The following CPQ variants were observed in gnomAD, a reference collection of about 807,000 sequenced individuals.
CPQ encodes carboxypeptidase Q, also known as Ser-Met dipeptidase.
In CPQ, 37 loss-of-function variants were observed where a neutral mutation model predicts 45.7. The ratio of observed to expected loss-of-function variants is 0.81; its 90% CI spans 0.62 to 1.07. The LOEUF (loss-of-function observed/expected upper bound fraction) is 1.07, where lower values mean the gene tolerates loss of function less well. Among genes scored for constraint, CPQ ranks in the 50% least tolerant of loss-of-function variants. CPQ has a pLI of 0.00. For synonymous variants in CPQ, 186 were observed against 205.8 expected (o/e 0.90, Z 0.82); for missense variants, 537 against 572.9 (o/e 0.94, Z 0.64).
chr8:96,918,321 T>G (rs1264328046), intron 4 of CPQ, among the ~76,000 whole-genome samples: 1 of 152,196 alleles, frequency 6.6e-6, no homozygotes, highest in Non-Finnish European at 1.5e-5. Flanking sequence ...TTAGCTTTAT[T>G]GTACCTCCTT....
intron 1 of CPQ, among the ~76,000 whole-genome samples, chr8:96,744,499 C>G (rs1000030328): frequency 6.6e-6 from 1 of 152,202 alleles, no homozygotes; most frequent in African/African-American, 2.4e-5. Flanking sequence ...CTTGGCTCCT[C>G]CTCCTAGTTA....
chr8:96,740,037 A>G (rs1810060379), intron 1 of CPQ, among the ~76,000 whole-genome samples: 1 of 152,112 alleles, frequency 6.6e-6, no homozygotes, highest in African/African-American at 2.4e-5. Context: ...CATTGAATCT[A>G]TAAATTACCT....
chr8:97,120,277 T>C (rs960728497), intron 7 of CPQ, among the ~76,000 whole-genome samples: 14 of 152,194 alleles, frequency 9.2e-5, no homozygotes, highest in African/African-American at 3.4e-4. Context: ...ATAGACCCTC[T>C]ATACCCAACT....
intron 1 of CPQ, among the ~76,000 whole-genome samples, chr8:96,697,361 T>A (rs1251295110): frequency 6.6e-6 from 1 of 152,182 alleles, no homozygotes; most frequent in Non-Finnish European, 1.5e-5. Context: ...GGATATAGAA[T>A]GAACATAGTT....
chr8:96,838,593 T>A (rs969597009), intron 3 of CPQ, among the ~76,000 whole-genome samples: 20 of 152,086 alleles, frequency 1.3e-4, no homozygotes, highest in Non-Finnish European at 2.1e-4. Context: ...GGTGAAATAC[T>A]GCCCAGTCTG....
chr8:97,035,489 G>A (rs1809985569), intron 6 of CPQ, among the ~76,000 whole-genome samples: 1 of 152,130 alleles, frequency 6.6e-6, no homozygotes, highest in African/African-American at 2.4e-5. Flanking sequence ...AACAACATGT[G>A]GGAGTCCTAG....
intron 3 of CPQ, among the ~76,000 whole-genome samples, chr8:96,853,782 C>G (rs1345734192): frequency 1.3e-5 from 2 of 152,230 alleles, no homozygotes; most frequent in East Asian, 3.9e-4. Context: ...AGTGTACACT[C>G]CACATACTTT....
At chr8:96,848,081 G>C (rs1202924810) in intron 3 of CPQ, among the ~76,000 whole-genome samples, 1 of 151,986 alleles carries the variant, frequency 6.6e-6, no homozygotes, top group Non-Finnish European at 1.5e-5. Context: ...CTCTGCCTGG[G>C]TGTCAACAGT....
At chr8:96,977,015 A>G (rs1160683971) in intron 5 of CPQ, among the ~76,000 whole-genome samples, 1 of 152,196 alleles carries the variant, frequency 6.6e-6, no homozygotes, top group East Asian at 1.9e-4. Context: ...CAATTAAACT[A>G]AAAAGCTTCT....
chr8:96,701,705 T>C (rs531827810), intron 1 of CPQ, among the ~76,000 whole-genome samples: 1 of 152,270 alleles, frequency 6.6e-6, no homozygotes, highest in South Asian at 2.1e-4. Flanking sequence ...TAACATACTC[T>C]TGGCCATGTG....
intron 4 of CPQ, among the ~76,000 whole-genome samples, chr8:96,939,290 A>G (rs1014627337): frequency 2.6e-5 from 4 of 152,162 alleles, no homozygotes; most frequent in Non-Finnish European, 5.9e-5. Context: ...TGAGAATCTA[A>G]TGCTGCCACT....
At chr8:96,961,211 T>C (rs533192986) in intron 4 of CPQ, among the ~76,000 whole-genome samples, 1 of 152,330 alleles carries the variant, frequency 6.6e-6, no homozygotes, top group Non-Finnish European at 1.5e-5. Context: ...CAAGATCTCA[T>C]TTGTGTGATT....
At chr8:97,115,281 CCTAA>C (rs1811565650) in intron 7 of CPQ, among the ~76,000 whole-genome samples, 1 of 152,172 alleles carries the variant, frequency 6.6e-6, no homozygotes, top group African/African-American at 2.4e-5. Flanking sequence ...ACCTGCACTA[CCTAA>C]CTGTTGTGTT....
At chr8:96,822,618 C>T (rs1048036472) in intron 2 of CPQ, among the ~76,000 whole-genome samples, 2 of 152,000 alleles carry the variant, frequency 1.3e-5, no homozygotes, top group African/African-American at 4.8e-5. Context: ...CCAGGAGGTC[C>T]TGCATGATAT....
intron 3 of CPQ, among the ~76,000 whole-genome samples, chr8:96,877,971 T>C (rs536041230): frequency 6.6e-6 from 1 of 152,180 alleles, no homozygotes; most frequent in Non-Finnish European, 1.5e-5. Flanking sequence ...TCTTTTCTTT[T>C]TTTTTTTCTG....
intron 4 of CPQ, among the ~76,000 whole-genome samples, chr8:96,888,538 A>G (rs906331129): frequency 6.6e-6 from 1 of 152,250 alleles, no homozygotes; most frequent in African/African-American, 2.4e-5. Context: ...GGTGCTGGAG[A>G]AAAGCATTAT....
intron 4 of CPQ, among the ~76,000 whole-genome samples, chr8:96,927,426 A>G (rs969938875): frequency 1.3e-5 from 2 of 152,144 alleles, no homozygotes; most frequent in Non-Finnish European, 2.9e-5. Context: ...GAAACAAAGC[A>G]CATTAAGGGT....
chr8:96,837,869 T>A (rs1811551654), intron 3 of CPQ, among the ~76,000 whole-genome samples: 1 of 152,094 alleles, frequency 6.6e-6, no homozygotes, highest in African/African-American at 2.4e-5. Flanking sequence ...AGACACTGAG[T>A]CTCTTAGGTT....
At chr8:96,660,739 A>G (rs1201843098) in intron 1 of CPQ, among the ~76,000 whole-genome samples, 1 of 152,034 alleles carries the variant, frequency 6.6e-6, no homozygotes, top group African/African-American at 2.4e-5. Context: ...ATAAATGTTC[A>G]TACCTTTGCT....
Sources: allele counts gnomAD v4.1 joint callset (sites outside exome capture counted in the v4.1 genomes callset), GRCh38; gene constraint gnomAD v4.1.1; transcripts MANE v1.5; gene names NCBI Gene and HGNC (gene_info 2026-07-23, HGNC 2026-07-21).